Variants in PLAC1 observed in about 807,000 individuals in gnomAD.
The protein encoded by PLAC1 is placenta associated 1, also known as placenta-specific protein 1.
For missense variants in PLAC1, 136 were observed against 163.2 expected (o/e 0.83, Z 0.91); for synonymous variants, 68 against 62.1 (o/e 1.09, Z -0.44).
At chrX:134,571,365 C>A (rs1164262485) in intron 2 of PLAC1, among the ~76,000 whole-genome samples, 2 of 111,337 alleles carry the variant, frequency 1.8e-5, no homozygotes, top group Admixed American at 9.6e-5. Flanking sequence ...ATGACCATTG[C>A]CTTACTTTAA....
At chrX:134,578,501 G>GTCTT (rs1159824437) in intron 2 of PLAC1, among the ~76,000 whole-genome samples, 5 of 90,600 alleles carry the variant, frequency 5.5e-5, no homozygotes, top group South Asian at 5.7e-4. Flanking sequence ...AGTGGAAATG[G>GTCTT]TCTTTCTTTC....
At chrX:134,710,582 G>A (rs367641675) in intron 2 of PLAC1, among the ~76,000 whole-genome samples, 16 of 111,920 alleles carry the variant, frequency 1.4e-4, no homozygotes, top group African/African-American at 4.9e-4. Flanking sequence ...TCCACCAAAG[G>A]AGGAATGAAT....
intron 2 of PLAC1, among the ~76,000 whole-genome samples, chrX:134,687,930 T>C (rs1166019931): frequency 4.2e-5 from 4 of 95,493 alleles, no homozygotes; most frequent in Non-Finnish European, 8.1e-5. Context: ...TTATGAGTCT[T>C]AGTGACGCCT....
At chrX:134,682,740 G>A (rs2078502654) in intron 2 of PLAC1, among the ~76,000 whole-genome samples, 1 of 110,471 alleles carries the variant, frequency 9.1e-6, no homozygotes, top group South Asian at 4.0e-4. Flanking sequence ...ATTTTTAGTG[G>A]AGATGAGGTT....
chrX:134,741,880 G>A (rs1440438426), intron 1 of PLAC1, among the ~76,000 whole-genome samples: 3 of 111,145 alleles, frequency 2.7e-5, no homozygotes, highest in Non-Finnish European at 5.6e-5. Context: ...TGACTTGGAA[G>A]AAGTCAGCCC....
intron 2 of PLAC1, among the ~76,000 whole-genome samples, chrX:134,587,944 T>C (rs2078013986): frequency 8.9e-6 from 1 of 111,941 alleles, no homozygotes. Context: ...AGGGCACGTT[T>C]CATGCAGAAT....
intron 2 of PLAC1, among the ~76,000 whole-genome samples, chrX:134,699,476 T>C (rs1227745820): frequency 8.9e-6 from 1 of 112,231 alleles, no homozygotes; most frequent in Non-Finnish European, 1.9e-5. Flanking sequence ...TGAGAATAAA[T>C]GCCTATTGTT....
At chrX:134,729,683 G>C (rs1031546570) in intron 2 of PLAC1, among the ~76,000 whole-genome samples, 2 of 111,957 alleles carry the variant, frequency 1.8e-5, no homozygotes, top group African/African-American at 3.2e-5. Context: ...CCACTGTTGG[G>C]GTTCTTGTCC....
intron 2 of PLAC1, among the ~76,000 whole-genome samples, chrX:134,688,198 A>C (rs1399395072): frequency 9.0e-6 from 1 of 110,906 alleles, no homozygotes; most frequent in Non-Finnish European, 1.9e-5. Flanking sequence ...TTGTAGTTTG[A>C]CTCATAGAAA....
At chrX:134,570,443 G>A (rs1053214197) in intron 2 of PLAC1, among the ~76,000 whole-genome samples, 3 of 111,377 alleles carry the variant, frequency 2.7e-5, no homozygotes, top group Non-Finnish European at 3.8e-5. Context: ...TAGAGCTGAC[G>A]TGGAGTTGGG....
At chrX:134,665,219 C>A (rs2078432709) in intron 2 of PLAC1, among the ~76,000 whole-genome samples, 1 of 111,184 alleles carries the variant, frequency 9.0e-6, no homozygotes, top group African/African-American at 3.3e-5. Flanking sequence ...TTCCCTCATG[C>A]CCCTGGTCAT....
At chrX:134,707,647 C>G (rs1299180491) in intron 2 of PLAC1, among the ~76,000 whole-genome samples, 2 of 111,767 alleles carry the variant, frequency 1.8e-5, no homozygotes, top group Non-Finnish European at 3.8e-5. Flanking sequence ...GTTCTCCAAA[C>G]AGAAACAAGT....
intron 1 of PLAC1, among the ~76,000 whole-genome samples, chrX:134,757,156 T>C (rs2078759389): frequency 8.9e-6 from 1 of 112,515 alleles, no homozygotes; most frequent in Non-Finnish European, 1.9e-5. Flanking sequence ...ATGAAAATTA[T>C]TGGGGAACAG....
chrX:134,570,711 A>C (rs963433284), intron 2 of PLAC1, among the ~76,000 whole-genome samples: 1 of 111,975 alleles, frequency 8.9e-6, no homozygotes, highest in Non-Finnish European at 1.9e-5. Context: ...GCAAACCCAG[A>C]GCTTCTAATA....
intron 2 of PLAC1, among the ~76,000 whole-genome samples, chrX:134,671,082 A>T (rs934005287): frequency 8.9e-6 from 1 of 111,993 alleles, no homozygotes; most frequent in Admixed American, 9.4e-5. Flanking sequence ...ACTTTTGGCT[A>T]AGACCAAGTT....
At chrX:134,696,775 T>A (rs896744693) in intron 2 of PLAC1, among the ~76,000 whole-genome samples, 1 of 110,999 alleles carries the variant, frequency 9.0e-6, no homozygotes, top group Non-Finnish European at 1.9e-5. Flanking sequence ...ACGCCTGTAA[T>A]CCCAGCACTT....
Position 134,566,289 on chromosome X carries a change from C to T in PLAC1, c.394G>A (p.Val132Ile). The change falls in exon 3 of 3, where the codon GTA becomes ATA. Residue 132 changes from valine to isoleucine, a missense_variant. Coordinates refer to ENST00000359237, the MANE Select transcript of PLAC1 (RefSeq NM_021796.4). ...PWLTKPCSMR[V>I]ASKSRATAQK... ...GCTGTGGCCCTGCTCTTGCTGGCTA[C>T]TCTCATGGAGCAGGGCTTGGTGAGC... The T allele has an allele frequency of 8.3e-7, 1 of 1,212,047 alleles. No homozygotes were observed. Among genetic ancestry groups the T allele is most frequent in the South Asian group, 1.8e-5 (1 of 57,009 alleles).
At chrX:134,627,568 C>A (rs1290098376) in intron 1 of PLAC1, among the ~76,000 whole-genome samples, 1 of 112,265 alleles carries the variant, frequency 8.9e-6, no homozygotes, top group Non-Finnish European at 1.9e-5. Flanking sequence ...AGGTACAAGG[C>A]AGATTTATAT....
At chrX:134,569,777 TG>T (rs2077896400) in intron 2 of PLAC1, among the ~76,000 whole-genome samples, 6 of 104,032 alleles carry the variant, frequency 5.8e-5, no homozygotes, top group Admixed American at 3.1e-4. Flanking sequence ...TGTGTGTGTG[TG>T]TGTGTGTGTT....
Sources: allele counts gnomAD v4.1 joint callset (sites outside exome capture counted in the v4.1 genomes callset), GRCh38; gene constraint gnomAD v4.1.1; transcripts MANE v1.5; gene names NCBI Gene and HGNC (gene_info 2026-07-23, HGNC 2026-07-21).